IGSF11: variants seen among roughly 807,000 people sequenced by gnomAD.
IGSF11 encodes the protein immunoglobulin superfamily member 11, also known as CXADR like 1.
In IGSF11, 22 loss-of-function variants were observed where a neutral mutation model predicts 41.0. That is an observed-to-expected ratio of 0.54 (90% confidence interval 0.38 to 0.77). The LOEUF is 0.77. Ranked by LOEUF, IGSF11 falls within the 30% of genes least tolerant of loss-of-function variation. The pLI, the probability that IGSF11 is intolerant of heterozygous loss-of-function variation, is 0.00. For synonymous variants in IGSF11, 219 were observed against 201.3 expected (o/e 1.09, Z -0.74); for missense variants, 444 against 530.8 (o/e 0.84, Z 1.61).
chr3:119,068,873 A>G (rs1452827664), intron 1 of IGSF11, among the ~76,000 whole-genome samples: 1 of 151,776 alleles, frequency 6.6e-6, no homozygotes, highest in East Asian at 1.9e-4. Context: ...GCATGCAATT[A>G]GAGCATATAA....
chr3:119,126,018 G>T (rs565397874), intron 1 of IGSF11, among the ~76,000 whole-genome samples: 1 of 152,250 alleles, frequency 6.6e-6, no homozygotes, highest in Non-Finnish European at 1.5e-5. Context: ...AACTCCTGTG[G>T]GGAGGGGCGA....
At chr3:119,030,048 A>C (rs1335754105) in intron 1 of IGSF11, among the ~76,000 whole-genome samples, 1 of 152,186 alleles carries the variant, frequency 6.6e-6, no homozygotes, top group Non-Finnish European at 1.5e-5. Context: ...ATGGTATAAG[A>C]ATTTTCTGAA....
intron 1 of IGSF11, among the ~76,000 whole-genome samples, chr3:119,119,917 G>C (rs879372841): frequency 6.6e-6 from 1 of 152,220 alleles, no homozygotes; most frequent in Non-Finnish European, 1.5e-5. Flanking sequence ...CAGCACCCAA[G>C]TCATCTCTTG....
At chr3:119,041,812 C>T (rs1316874119) in intron 1 of IGSF11, among the ~76,000 whole-genome samples, 1 of 152,108 alleles carries the variant, frequency 6.6e-6, no homozygotes. Flanking sequence ...TAAAATCCTT[C>T]TAAAAATAAA....
In IGSF11 at chr3:118,957,945, T is replaced by C. The variant is rs373228551; in HGVS notation, c.53-27670A>G. Among the ~76,000 whole-genome samples the C allele has an allele frequency of 3.3e-5, 5 of 152,220 alleles. No individual in the cohort carries two copies. In the East Asian group the frequency reaches 5.8e-4, roughly 18 times the overall value. On this transcript the variant is annotated intron_variant, in intron 1 of 6. Coordinates refer to ENST00000393775, the MANE Select transcript of IGSF11 (RefSeq NM_001015887.3). The stretch of plus-strand genomic sequence containing the variant: ...TCTCTGGGCTACTAAGCCTATTACA[T>C]GTTTCCAATTTGACTAGGAAGACAT...
intron 1 of IGSF11, among the ~76,000 whole-genome samples, chr3:119,001,561 G>T (rs1429299036): frequency 2.1e-5 from 3 of 141,226 alleles, no homozygotes; most frequent in African/African-American, 2.6e-5. Flanking sequence ...ATGCTGGTGC[G>T]CTGCACCCAC....
chr3:119,025,257 G>A (rs1384529583), intron 1 of IGSF11, among the ~76,000 whole-genome samples: 1 of 152,080 alleles, frequency 6.6e-6, no homozygotes, highest in East Asian at 1.9e-4. Flanking sequence ...CCATGTCAAA[G>A]AATCACAAGA....
chr3:118,920,863 C>CCCTA (rs1941707919), intron 4 of IGSF11, among the ~76,000 whole-genome samples: 1 of 152,014 alleles, frequency 6.6e-6, no homozygotes, highest in East Asian at 1.9e-4. Flanking sequence ...TGTACAAATA[C>CCCTA]CCTAACACCT....
chr3:119,083,861 T>C (rs1297406275), intron 1 of IGSF11, among the ~76,000 whole-genome samples: 1 of 152,230 alleles, frequency 6.6e-6, no homozygotes, highest in Non-Finnish European at 1.5e-5. Flanking sequence ...ACTCCTTCTA[T>C]TTATTTTTTT....
chr3:118,966,426 T>C (rs531481702), intron 1 of IGSF11, among the ~76,000 whole-genome samples: 2 of 152,282 alleles, frequency 1.3e-5, no homozygotes, highest in East Asian at 3.9e-4. Context: ...GACAGCACCT[T>C]TACAAGCTTG....
intron 6 of IGSF11, 54 bp from the exon 7 acceptor site, chr3:118,903,015 C>G (rs1284593622): frequency 6.7e-7 from 1 of 1,490,266 alleles, no homozygotes; most frequent in African/African-American, 1.4e-5. Context: ...TTAATCCTAT[C>G]CTCCTACCCT....
At chr3:119,118,581 C>A (rs1343607171) in intron 1 of IGSF11, among the ~76,000 whole-genome samples, 1 of 152,222 alleles carries the variant, frequency 6.6e-6, no homozygotes, top group Non-Finnish European at 1.5e-5. Context: ...CTCTGACATG[C>A]CCTGGAGACA....
At chr3:119,007,541 C>T (rs1376200628) in intron 1 of IGSF11, among the ~76,000 whole-genome samples, 1 of 152,176 alleles carries the variant, frequency 6.6e-6, no homozygotes, top group Non-Finnish European at 1.5e-5. Context: ...CAACCTTTGG[C>T]AAACACCTCA....
chr3:118,932,998 G>T (rs1234616000), intron 1 of IGSF11, among the ~76,000 whole-genome samples: 1 of 152,256 alleles, frequency 6.6e-6, no homozygotes, highest in Admixed American at 6.5e-5. Context: ...CAGAGGACAA[G>T]GAGCTGTGTG....
At chr3:118,995,839 G>A (rs1936217271) in intron 1 of IGSF11, among the ~76,000 whole-genome samples, 1 of 152,028 alleles carries the variant, frequency 6.6e-6, no homozygotes, top group South Asian at 2.1e-4. Flanking sequence ...ATTTTTAGTA[G>A]ACAGGGTTTC....
intron 1 of IGSF11, among the ~76,000 whole-genome samples, chr3:119,077,108 G>C (rs1469915413): frequency 6.6e-6 from 1 of 152,176 alleles, no homozygotes; most frequent in African/African-American, 2.4e-5. Context: ...ATGAGTTCAT[G>C]TCCTTTGTAG....
chr3:119,058,108 C>A (rs1470633023), intron 1 of IGSF11, among the ~76,000 whole-genome samples: 2 of 152,124 alleles, frequency 1.3e-5, no homozygotes, highest in African/African-American at 4.8e-5. Flanking sequence ...GCAACAAAAA[C>A]CAAAATTGAC....
chr3:119,092,818 G>A (rs1017268450), intron 1 of IGSF11, among the ~76,000 whole-genome samples: 1 of 151,880 alleles, frequency 6.6e-6, no homozygotes, highest in Non-Finnish European at 1.5e-5. Context: ...CTTTTTCTAT[G>A]TTTGGATACA....
chr3:119,089,359 TTCCAATAAAA>T (rs2076727210), intron 1 of IGSF11, among the ~76,000 whole-genome samples: 1 of 151,914 alleles, frequency 6.6e-6, no homozygotes, highest in Non-Finnish European at 1.5e-5. Context: ...CAGAAAAGCT[TTCCAATAAAA>T]TACAATATTC....
Sources: allele counts gnomAD v4.1 joint callset (sites outside exome capture counted in the v4.1 genomes callset), GRCh38; gene constraint gnomAD v4.1.1; transcripts MANE v1.5; gene names NCBI Gene and HGNC (gene_info 2026-07-23, HGNC 2026-07-21).